AGBL1: variants seen among roughly 807,000 people sequenced by gnomAD.
AGBL1 encodes the protein cytosolic carboxypeptidase 4.
Under a neutral mutation model 118.9 loss-of-function variants are expected in AGBL1, and 130 were observed. That is an observed-to-expected ratio of 1.09 (90% CI 0.95 to 1.26). The LOEUF (loss-of-function observed/expected upper bound fraction) is 1.26, where lower values mean the gene tolerates loss of function less well. Ranked by LOEUF, AGBL1 falls within the 50% of genes most tolerant of loss-of-function variation. The probability of loss-of-function intolerance (pLI) is 0.00; values close to 1 mark genes in which losing one functional copy is unlikely to be tolerated. For missense variants in AGBL1, 1,584 were observed against 1,298.1 expected, an observed-to-expected ratio of 1.22 and a Z score of -3.38; for synonymous variants, 555 against 478.9, an observed-to-expected ratio of 1.16 and a Z score of -2.08.
chr15:86,718,773 TAAA>T (rs982426980), intron 22 of AGBL1, among the ~76,000 whole-genome samples: 1 of 151,948 alleles, frequency 6.6e-6, no homozygotes, highest in East Asian at 1.9e-4. Context: ...AGGACTTTTT[TAAA>T]AAAAATTGTA....
At chr15:86,582,525 G>A (rs557686276) in intron 21 of AGBL1, among the ~76,000 whole-genome samples, 1 of 152,156 alleles carries the variant, frequency 6.6e-6, no homozygotes, top group South Asian at 2.1e-4. Flanking sequence ...TATACCCAAA[G>A]GTTATAAATC....
chr15:86,207,090 T>A (rs1234842599), intron 5 of AGBL1, among the ~76,000 whole-genome samples: 1 of 152,224 alleles, frequency 6.6e-6, no homozygotes, highest in Non-Finnish European at 1.5e-5. Context: ...TTTCTTGTTT[T>A]TGTCAGGTTT....
intron 22 of AGBL1, among the ~76,000 whole-genome samples, chr15:86,870,100 C>T (rs548517847): frequency 7.3e-4 from 111 of 152,036 alleles, no homozygotes; most frequent in Non-Finnish European, 1.4e-3. Context: ...ACACAGATAA[C>T]CTTGATTAGA....
chr15:86,863,832 T>C (rs2079591159), intron 22 of AGBL1, among the ~76,000 whole-genome samples: 1 of 152,220 alleles, frequency 6.6e-6, no homozygotes, highest in Non-Finnish European at 1.5e-5. Context: ...TGTGTGATAC[T>C]AAAGAAGTTA....
intron 22 of AGBL1, among the ~76,000 whole-genome samples, chr15:86,890,606 T>C (rs2080039853): frequency 6.6e-6 from 1 of 152,212 alleles, no homozygotes; most frequent in South Asian, 2.1e-4. Context: ...TTTCTGCACA[T>C]GGCTAGCCAG....
At chr15:86,283,140 C>T (rs184888494) in intron 16 of AGBL1, among the ~76,000 whole-genome samples, 58 of 152,108 alleles carry the variant, frequency 3.8e-4, no homozygotes, top group Middle Eastern at 3.4e-3. Context: ...TTTAATCAGC[C>T]GTATCAAGTT....
At chr15:86,389,281 C>A (rs1274613637) in intron 17 of AGBL1, among the ~76,000 whole-genome samples, 1 of 151,924 alleles carries the variant, frequency 6.6e-6, no homozygotes, top group East Asian at 1.9e-4. Context: ...ATTTCTATTT[C>A]TGAAAATGAG....
At chr15:86,330,977 G>C (rs192015022) in intron 17 of AGBL1, among the ~76,000 whole-genome samples, 1 of 152,124 alleles carries the variant, frequency 6.6e-6, no homozygotes, top group Non-Finnish European at 1.5e-5. Flanking sequence ...TGTAATCCTG[G>C]CACTTTGGGA....
chr15:86,739,970 A>T (rs1470808), intron 22 of AGBL1, among the ~76,000 whole-genome samples: 94,395 of 151,994 alleles, frequency 0.62, 29,746 homozygotes, highest in Admixed American at 0.69. Flanking sequence ...CTCTTAAATA[A>T]CCCCTTTCAC....
At chr15:86,983,260 G>T (rs956961554) in intron 23 of AGBL1, among the ~76,000 whole-genome samples, 3 of 151,892 alleles carry the variant, frequency 2.0e-5, no homozygotes, top group African/African-American at 7.3e-5. Context: ...TGATTTGCAG[G>T]ATCTTCTATT....
At chr15:86,279,155 A>G (rs1382552164) in intron 15 of AGBL1, among the ~76,000 whole-genome samples, 1 of 152,226 alleles carries the variant, frequency 6.6e-6, no homozygotes, top group Non-Finnish European at 1.5e-5. Flanking sequence ...GTTGAATTGG[A>G]ACTCCATATA....
chr15:86,633,799 GTATATATATATAATGTATGTA>G (rs2085022755), intron 21 of AGBL1, among the ~76,000 whole-genome samples: 1 of 86,806 alleles, frequency 1.2e-5, no homozygotes, highest in Non-Finnish European at 3.0e-5. Flanking sequence ...TATATATAAT[GTATATATATATAATGTATGTA>G]TATATATATA....
intron 5 of AGBL1, among the ~76,000 whole-genome samples, chr15:86,175,480 T>G (rs1006868871): frequency 6.6e-6 from 1 of 152,092 alleles, no homozygotes; most frequent in African/African-American, 2.4e-5. Context: ...CTTTGTATTT[T>G]TTTAGTCTCT....
chr15:86,925,045 T>C (rs2080516930), intron 23 of AGBL1, among the ~76,000 whole-genome samples: 1 of 151,048 alleles, frequency 6.6e-6, no homozygotes, highest in Admixed American at 6.6e-5. Flanking sequence ...GAGGTTGCAG[T>C]GAGCCGAGAC....
intron 1 of AGBL1, among the ~76,000 whole-genome samples, chr15:86,092,213 T>G (rs978347070): frequency 6.6e-6 from 1 of 152,204 alleles, no homozygotes; most frequent in African/African-American, 2.4e-5. Flanking sequence ...ACACATGCAC[T>G]TAAACCAAAC....
chr15:86,262,513 T>A (rs2079008447), intron 9 of AGBL1: 1 of 462,628 alleles, frequency 2.2e-6, no homozygotes, highest in Admixed American at 3.3e-5. Flanking sequence ...ATTATGTAGT[T>A]TATCTCATTT....
In AGBL1 at chr15:86,802,152, A is replaced by G. The variant is rs190274113; in HGVS notation, c.3159-104935A>G. ...TCTCACTGAATGATTCCATATACAGAAACAGTGGGCAGCATTTTATTTTTC... is the reference window on the plus strand; with the variant it reads ...TCTCACTGAATGATTCCATATACAGGAACAGTGGGCAGCATTTTATTTTTC... On this transcript the variant is annotated intron_variant, in intron 22 of 22. Transcript: ENST00000614907. 2.5e-3 allele frequency among the ~76,000 whole-genome samples: 379 copies of G among 152,274 alleles called. 1 individual carries two copies. Among genetic ancestry groups the G allele is most frequent in the Non-Finnish European group, 4.1e-3 (279 of 68,012 alleles).
intron 9 of AGBL1, among the ~76,000 whole-genome samples, chr15:86,260,820 A>G (rs759419534): frequency 7.2e-5 from 11 of 152,192 alleles, no homozygotes; most frequent in Admixed American, 2.6e-4. Context: ...TTAGGTGGGT[A>G]CCAGAATTCT....
chr15:86,682,303 A>G (rs1024803448), intron 22 of AGBL1, among the ~76,000 whole-genome samples: 1 of 152,168 alleles, frequency 6.6e-6, no homozygotes, highest in Admixed American at 6.6e-5. Context: ...AGAAGTGCTA[A>G]TTTTAGGCTG....
Sources: gnomAD v4.1 joint callset for allele counts (sites outside exome capture counted in the v4.1 genomes callset) on GRCh38, gnomAD v4.1.1 for gene constraint, MANE v1.5 for transcripts, NCBI Gene and HGNC (gene_info 2026-07-23, HGNC 2026-07-21) for gene names.